The following CNTN1 variants were observed in gnomAD, a reference collection of about 807,000 sequenced individuals.
CNTN1 encodes the protein contactin-1.
Under a neutral mutation model 126.4 loss-of-function variants are expected in CNTN1, and 38 were observed. The ratio of observed to expected loss-of-function variants is 0.30; its 90% CI spans 0.23 to 0.39. The LOEUF (loss-of-function observed/expected upper bound fraction) is 0.39. Ranked by LOEUF, CNTN1 falls within the 10% of genes least tolerant of loss-of-function variation. The pLI, the probability that CNTN1 is intolerant of heterozygous loss-of-function variation, is 1.00. For synonymous variants in CNTN1, 413 were observed against 422.6 expected (o/e 0.98, Z 0.28); for missense variants, 1,009 against 1,248.4 (o/e 0.81, Z 2.89).
At chr12:41,027,774 C>T (rs937143033) in intron 21 of CNTN1, 83 bp from the exon 22 acceptor site, 5 of 850,862 alleles carry the variant, frequency 5.9e-6, no homozygotes. Context: ...TTATCATCAG[C>T]ATTATAATAC....
At position 41,016,905 on chromosome 12, in the gene CNTN1, C is replaced by T; in HGVS notation, c.2408C>T (p.Ser803Leu). 4 of 1,613,568 alleles carry T rather than the reference C, an allele frequency of 2.5e-6. No homozygotes were observed. The highest frequency in any genetic ancestry group is 3.4e-6 in the Non-Finnish European group (4 of 1,179,540). Reference sequence around the variant, plus strand: ...TACAGCCTAGTAGCAGTCATTAATTCAGCACAAGACGGTAGGTGAAAGAAA... The same window carrying T: ...TACAGCCTAGTAGCAGTCATTAATTTAGCACAAGACGGTAGGTGAAAGAAA... ...GPYSLVAVIN[S>L]AQDAPSEAPT... Residue 803 changes from serine to leucine, a missense_variant, in exon 19 of 24, where the codon TCA becomes TTA. By Grantham distance (145) the Ser-to-Leu change is moderately radical. Transcript: ENST00000551295.
intron 14 of CNTN1, among the ~76,000 whole-genome samples, chr12:40,946,188 C>CAA (rs1296130516): frequency 6.6e-6 from 1 of 152,050 alleles, no homozygotes; most frequent in Non-Finnish European, 1.5e-5. Flanking sequence ...AGGCAAACTA[C>CAA]AAAGTTAAAC....
At chr12:40,834,929 G>C (rs1400080166) in intron 1 of CNTN1, among the ~76,000 whole-genome samples, 2 of 151,902 alleles carry the variant, frequency 1.3e-5, no homozygotes, top group Non-Finnish European at 2.9e-5. Flanking sequence ...TCCTAGTTTT[G>C]GGTTTCCTAT....
chr12:40,945,268 AT>A (rs969226247), intron 14 of CNTN1, among the ~76,000 whole-genome samples: 2 of 152,068 alleles, frequency 1.3e-5, no homozygotes, highest in African/African-American at 4.8e-5. Context: ...ATCTGAAACT[AT>A]TTTGCACATG....
At chr12:40,772,155 G>A (rs541889313) in intron 1 of CNTN1, among the ~76,000 whole-genome samples, 68 of 152,056 alleles carry the variant, frequency 4.5e-4, no homozygotes, top group African/African-American at 1.6e-3. Flanking sequence ...ATAATATACT[G>A]CAGATGTTAT....
chr12:41,028,780 C>G (rs1299128560), intron 22 of CNTN1, among the ~76,000 whole-genome samples: 1 of 152,026 alleles, frequency 6.6e-6, no homozygotes, highest in Non-Finnish European at 1.5e-5. Context: ...CTTAAAAAGA[C>G]TCATTCTTTC....
Position 40,846,872 on chromosome 12 carries a change from T to A in CNTN1, c.-76-61485T>A, listed in dbSNP as rs1942526315. On this transcript the variant is annotated intron_variant, in intron 1 of 23. Transcript: ENST00000551295. The stretch of plus-strand genomic sequence containing the variant: ...ATGCCCAGTTATTTTTTTTTATTAT[T>A]TTTATTTTTTTCTGAGATGGAGTCT... 2.6e-5 allele frequency among the ~76,000 whole-genome samples: 4 copies of A among 151,974 alleles called. No individual in the cohort carries two copies. In the South Asian group the frequency reaches 8.3e-4, roughly 32 times the overall value.
chr12:40,733,605 C>T (rs917714734), intron 1 of CNTN1, among the ~76,000 whole-genome samples: 3 of 151,674 alleles, frequency 2.0e-5, no homozygotes, highest in Non-Finnish European at 4.4e-5. Context: ...TTCTTTATTC[C>T]CAGTAGTGTT....
chr12:41,071,960 A>G lies in CNTN1; in HGVS notation c.*1925A>G, dbSNP rs368572167. 9.9e-4 allele frequency: 151 copies of G among 152,340 alleles called. No homozygotes were observed. The highest frequency in any genetic ancestry group is 3.4e-3 in the African/African-American group (143 of 41,590). 9.4% of individuals were successfully genotyped at this position (152,340 alleles called of 1,614,324 possible). On this transcript the variant is annotated 3_prime_UTR_variant, in exon 24 of 24. Coordinates refer to ENST00000551295, the MANE Select transcript of CNTN1 (RefSeq NM_001843.4). ...GCCTTTTATTTTCTAATATATGATA[A>G]TAACGAGCAAAACTGGTTAGATTTT... is the stretch of plus-strand genomic sequence containing the variant.
chr12:40,895,071 T>G lies in CNTN1; in HGVS notation c.-76-13286T>G, dbSNP rs144682019. 3.2e-3 allele frequency among the ~76,000 whole-genome samples: 481 copies of G among 152,304 alleles called. 3 individuals carry two copies. Among genetic ancestry groups the G allele is most frequent in the African/African-American group, 0.011 (459 of 41,560 alleles). On this transcript the variant is annotated intron_variant, in intron 1 of 23. Coordinates refer to ENST00000551295, the MANE Select transcript of CNTN1 (RefSeq NM_001843.4). ...TCAAAGACTGCGACTCAAGTTTCTG[T>G]GTTATAGTAAGCTTAAGTTTTATAA... is the stretch of plus-strand genomic sequence containing the variant.
chr12:40,774,872 G>A (rs1268154504), intron 1 of CNTN1, among the ~76,000 whole-genome samples: 1 of 150,956 alleles, frequency 6.6e-6, no homozygotes, highest in South Asian at 2.1e-4. Context: ...TATTAGTATG[G>A]TTAAATAATA....
At chr12:40,758,968 G>A (rs1592055685) in intron 1 of CNTN1, among the ~76,000 whole-genome samples, 2 of 151,826 alleles carry the variant, frequency 1.3e-5, no homozygotes, top group African/African-American at 4.8e-5. Context: ...GCAATGGCCC[G>A]ACCTCAGCTC....
chr12:40,751,793 T>A (rs527660737), intron 1 of CNTN1, among the ~76,000 whole-genome samples: 2 of 152,118 alleles, frequency 1.3e-5, no homozygotes, highest in Non-Finnish European at 2.9e-5. Context: ...TAAGTAGCGA[T>A]AACATCTACC....
chr12:41,023,981 G>A (rs1365408060), intron 20 of CNTN1, among the ~76,000 whole-genome samples: 1 of 152,142 alleles, frequency 6.6e-6, no homozygotes, highest in East Asian at 1.9e-4. Flanking sequence ...GGCAACCACT[G>A]TGGGCAACTG....
rs1363438018 is a variant in CNTN1, at chr12:40,933,762, C to T, written c.869C>T (p.Thr290Ile). 4 of 1,612,806 alleles carry T rather than the reference C, an allele frequency of 2.5e-6. No individual in the cohort carries two copies. Among genetic ancestry groups the T allele is most frequent in the African/African-American group, 2.7e-5 (2 of 74,956 alleles). The change falls in exon 9 of 24, where the codon ACC (threonine) becomes ATC (isoleucine). Residue 290 changes from threonine to isoleucine, a missense_variant. Coordinates refer to ENST00000551295, the MANE Select transcript of CNTN1 (RefSeq NM_001843.4). Reference protein sequence around the residue: ...EPMPSTAEISTSGAVLKIFNI... With the variant: ...EPMPSTAEISISGAVLKIFNI... ...ATGCCAAGCACTGCTGAGATTAGCACCTCTGGGGCTGTTCTTAAGATCTTC... is the reference window on the plus strand; with the variant it reads ...ATGCCAAGCACTGCTGAGATTAGCATCTCTGGGGCTGTTCTTAAGATCTTC...
At position 41,043,458 on chromosome 12, in the gene CNTN1, T is replaced by C. The variant is rs1048544918; in HGVS notation, c.2980+14239T>C. Among the ~76,000 whole-genome samples the C allele has an allele frequency of 7.9e-5, 12 of 152,260 alleles. No homozygotes were observed. The South Asian group carries it at 8.3e-4, about 11-fold the overall frequency. Reference sequence around the variant, plus strand: ...TGAAAACCACAATGAGATACCATCTTACACCAGTTAGAATGGTGATCATTA... The same window carrying C: ...TGAAAACCACAATGAGATACCATCTCACACCAGTTAGAATGGTGATCATTA... On this transcript the variant is annotated intron_variant, in intron 23 of 23. Transcript: ENST00000551295.
chr12:40,859,553 AT>A (rs1565843695), intron 1 of CNTN1, among the ~76,000 whole-genome samples: 1 of 151,900 alleles, frequency 6.6e-6, no homozygotes, highest in Non-Finnish European at 1.5e-5. Context: ...CGACAAAAAG[AT>A]TTTCTTTTTT....
intron 14 of CNTN1, among the ~76,000 whole-genome samples, chr12:40,946,218 T>G (rs1486290086): frequency 6.6e-6 from 1 of 152,112 alleles, no homozygotes; most frequent in South Asian, 2.1e-4. Flanking sequence ...CAATATGCCA[T>G]GCAAAATTTA....
Position 40,908,380 on chromosome 12 carries a change from A to G in CNTN1, c.-53A>G. On this transcript the variant is annotated 5_prime_UTR_variant, in exon 2 of 24. Coordinates refer to ENST00000551295, the MANE Select transcript of CNTN1 (RefSeq NM_001843.4). ...AGGTGTTTAAAATTATCCAACTGCC[A>G]TAGAGCTAAATTCTTTTTTGGAAAA... 3 of 1,380,298 alleles carry G rather than the reference A, an allele frequency of 2.2e-6. No homozygotes were observed. The highest frequency in any genetic ancestry group is 2.1e-6 in the Non-Finnish European group (2 of 969,098). The allele number at this position is 1,380,298 out of a possible 1,614,324, so 85.5% of individuals were successfully genotyped here.
Sources: gnomAD v4.1 joint callset for allele counts (sites outside exome capture counted in the v4.1 genomes callset) on GRCh38, gnomAD v4.1.1 for gene constraint, MANE v1.5 for transcripts, NCBI Gene and HGNC (gene_info 2026-07-23, HGNC 2026-07-21) for gene names.